Variants in KAT8 observed in about 807,000 individuals in gnomAD.
KAT8 encodes lysine acetyltransferase 8.
KAT8 carries 40 observed loss-of-function variants against 62.9 expected under a neutral mutation model. The observed-to-expected ratio is 0.64, with a 90% CI of 0.49 to 0.83. The LOEUF is 0.83. KAT8 is among the 40% of genes least tolerant of loss of function. The pLI is 0.00. For missense variants in KAT8, 387 were observed against 614.8 expected, an observed-to-expected ratio of 0.63 and a Z score of 3.92; for synonymous variants, 278 against 254.5, an observed-to-expected ratio of 1.09 and a Z score of -0.88.
chr16:31,120,667 T>G lies in KAT8; in HGVS notation c.462+153T>G, dbSNP rs1337950145. 5.9e-6 allele frequency: 4 copies of G among 682,288 alleles called. No homozygotes were observed. The East Asian group carries it at 1.1e-4, about 19-fold the overall frequency. 42.3% of individuals were successfully genotyped at this position (682,288 alleles called of 1,614,324 possible). ...ACTTTACCTACTTCCTCTTACTTAC[T>G]TTTCATAGGTAAGAAAACAGACAGA... On this transcript the variant is annotated intron_variant, in intron 3 of 10. Transcript: ENST00000219797.
chr16:31,117,986 C>G, intron 1 of KAT8, 94 bp downstream of exon 1: 7 of 869,352 alleles, frequency 8.1e-6, no homozygotes, highest in South Asian at 4.4e-5. Flanking sequence ...GGCCAAGATC[C>G]GGGGGCTGGG....
chr16:31,128,479 A>C (rs560218802), intron 6 of KAT8, among the ~76,000 whole-genome samples: 68 of 151,952 alleles, frequency 4.5e-4, no homozygotes, highest in African/African-American at 1.5e-3. Context: ...TGGGAGGCAG[A>C]GGTTGCAGTG....
rs754352447 is a variant in KAT8, at chr16:31,126,997, T to A, written c.463-38T>A. ...ACGGGAGGGACAGCCTGGTCACCAC[T>A]TCTGTTCACCTCTGCCCACTTTTCT... On this transcript the variant is annotated intron_variant, in intron 3 of 10. Coordinates refer to ENST00000219797, the MANE Select transcript of KAT8 (RefSeq NM_032188.3). 32 of 1,612,784 alleles carry A rather than the reference T, an allele frequency of 2.0e-5. No homozygotes were observed. In the Admixed American group the frequency reaches 3.8e-4, roughly 19 times the overall value.
chr16:31,121,702 G>T (rs772775248), intron 3 of KAT8, among the ~76,000 whole-genome samples: 2 of 151,872 alleles, frequency 1.3e-5, no homozygotes, highest in Non-Finnish European at 2.9e-5. Flanking sequence ...GTGCATCCCT[G>T]TACCTGCCTT....
chr16:31,131,220 A>AC lies in KAT8; in HGVS notation c.1344dup (p.Lys449GlnfsTer39). On this transcript the variant is annotated frameshift_variant, in exon 11 of 11. Coordinates refer to ENST00000219797, the MANE Select transcript of KAT8 (RefSeq NM_032188.3). LOFTEE classifies it high-confidence loss of function. ...TGGACTCCGTCTGCCTCAAGTGGGC[A>AC]CCCCCCAAGCACAAGCAAGTCAAGC... 1 of 1,613,888 alleles carries AC rather than the reference A, an allele frequency of 6.2e-7. No homozygotes were observed. Among genetic ancestry groups the AC allele is most frequent in the Non-Finnish European group, 8.5e-7 (1 of 1,179,942 alleles).
Position 31,131,318 on chromosome 16 carries a change from T to C in KAT8, c.*59T>C, listed in dbSNP as rs2143999400. 1 of 1,586,706 alleles carries C rather than the reference T, an allele frequency of 6.3e-7. No homozygotes were observed. Among genetic ancestry groups the C allele is most frequent in the Non-Finnish European group, 8.6e-7 (1 of 1,159,812 alleles). On this transcript the variant is annotated 3_prime_UTR_variant, in exon 11 of 11. Coordinates refer to ENST00000219797, the MANE Select transcript of KAT8 (RefSeq NM_032188.3). Reference sequence around the variant, plus strand: ...CTGGCTCCCAGCCTGTAAATATGTATAGACCTGTTTTGTCATTTTTTTAAT... The same window carrying C: ...CTGGCTCCCAGCCTGTAAATATGTACAGACCTGTTTTGTCATTTTTTTAAT...
rs769328865 is a variant in KAT8, at chr16:31,130,131, G to A, written c.886G>A (p.Ala296Thr). 2.2e-6 allele frequency: 3 copies of A among 1,375,898 alleles called. No homozygotes were observed. Among genetic ancestry groups the A allele is most frequent in the East Asian group, 4.2e-5 (1 of 24,058 alleles). 85.2% of individuals were successfully genotyped at this position (1,375,898 alleles called of 1,614,324 possible). Residue 296 changes from alanine to threonine, a missense_variant, in exon 7 of 11, where the codon GCC (alanine) becomes ACC (threonine). Transcript: ENST00000219797. ...CCTGACTGAGGTGGACCGGCAGGGG[G>A]CCCACATTGTTGGCTACTTCTCCAA... Reference protein sequence around the residue: ...YILTEVDRQGAHIVGYFSKEK... With the variant: ...YILTEVDRQGTHIVGYFSKEK...
At position 31,130,016 on chromosome 16, in the gene KAT8, G is replaced by C. The variant is rs1244817731; in HGVS notation, c.772-1G>C. 1.9e-6 allele frequency: 3 copies of C among 1,614,172 alleles called. No homozygotes were observed. Among genetic ancestry groups the C allele is most frequent in the Non-Finnish European group, 2.5e-6 (3 of 1,180,034 alleles). ...CCTGTCTCCCCCCTCCTCAACCCTA[G>C]ATTTACTGTCAGAACCTGTGTCTGC... is the stretch of plus-strand genomic sequence containing the variant. On this transcript the variant is annotated splice_acceptor_variant, in intron 6 of 10. Transcript: ENST00000219797. LOFTEE classifies it high-confidence loss of function.
Position 31,131,264 on chromosome 16 carries a change from C to T in KAT8, c.*5C>T, listed in dbSNP as rs767680206. The T allele has an allele frequency of 3.7e-6, 6 of 1,614,078 alleles. No individual in the cohort carries two copies. The highest frequency in any genetic ancestry group is 2.2e-5 in the East Asian group (1 of 44,896). On this transcript the variant is annotated 3_prime_UTR_variant, in exon 11 of 11. Transcript: ENST00000219797. ...GTCAAGCTCTCCAAGAAGTGAGCAG[C>T]CTGGCCCCTGCTGTCGGACCTGAGC...
At chr16:31,130,967 A>C in intron 10 of KAT8, 67 bp downstream of exon 10, 1 of 1,567,920 alleles carries the variant, frequency 6.4e-7, no homozygotes. Flanking sequence ...GGTAGGAGTC[A>C]AGGCCTCCTT....
Position 31,120,375 on chromosome 16 carries a change from G to A in KAT8, c.323G>A (p.Arg108Gln). ...RRLDEWVDKN[R>Q]LALTKTVKDA... ...CTGGACGAGTGGGTAGACAAGAACC[G>A]GCTGGCGCTGACCAAGACAGTGAAG... is the stretch of plus-strand genomic sequence containing the variant. The change falls in exon 3 of 11, where the codon CGG becomes CAG. Residue 108 changes from arginine (R) to glutamine (Q), a missense_variant. Physicochemically the swap from Arg to Gln is conservative, Grantham distance 43. This residue lies in a region of KAT8 where 69 missense variants were observed against 127.0 expected (regional missense o/e 0.54). Transcript: ENST00000219797. 6.2e-7 allele frequency: 1 copy of A among 1,614,032 alleles called. No individual in the cohort carries two copies. The highest frequency in any genetic ancestry group is 8.5e-7 in the Non-Finnish European group (1 of 1,179,942).
rs1326111637 is a variant in KAT8, at chr16:31,130,471, A to C, written c.1022A>C (p.Lys341Thr). The change falls in exon 9 of 11, where the codon AAG (lysine) becomes ACG (threonine). Residue 341 changes from lysine (K) to threonine (T), a missense_variant. Lys to Thr is a moderately conservative substitution (Grantham distance 78). Transcript: ENST00000219797. ...CTGCTGCCAGGTTATGAGCTCTCCAAGCTGGAGAGCACAGTCGGCTCCCCG... is the reference window on the plus strand; with the variant it reads ...CTGCTGCCAGGTTATGAGCTCTCCACGCTGGAGAGCACAGTCGGCTCCCCG... ...FLIAFSYELS[K>T]LESTVGSPEK... 6.2e-7 allele frequency: 1 copy of C among 1,614,106 alleles called. No homozygotes were observed. The highest frequency in any genetic ancestry group is 1.7e-5 in the Admixed American group (1 of 60,018).
intron 3 of KAT8, among the ~76,000 whole-genome samples, chr16:31,125,365 A>T (rs1321162232): frequency 6.6e-6 from 1 of 152,090 alleles, no homozygotes; most frequent in Non-Finnish European, 1.5e-5. Flanking sequence ...GCACTTTGGG[A>T]GTGCGAGGCT....
chr16:31,123,541 C>T (rs1567434887), intron 3 of KAT8: 1 of 151,818 alleles, frequency 6.6e-6, no homozygotes, highest in Non-Finnish European at 1.5e-5. Context: ...GAGTCTCACT[C>T]TGTCACCTAG....
chr16:31,130,616 C>T lies in KAT8; in HGVS notation c.1157+10C>T. On this transcript the variant is annotated intron_variant, in intron 9 of 10. Transcript: ENST00000219797. ...CCATCAAGGACCTCAGGTGAGGGGG[C>T]CTCCCGGGCCCTGGGGGCAGGACTT... The T allele has an allele frequency of 6.2e-7, 1 of 1,613,562 alleles. No individual in the cohort carries two copies. The highest frequency in any genetic ancestry group is 2.2e-5 in the East Asian group (1 of 44,882).
intron 1 of KAT8, chr16:31,118,744 A>G (rs1245588414): frequency 6.6e-6 from 1 of 152,204 alleles, no homozygotes; most frequent in Non-Finnish European, 1.5e-5. Flanking sequence ...GTACCCGGCA[A>G]CAACACAGCA....
chr16:31,131,250 C>T lies in KAT8; in HGVS notation c.1368C>T (p.Ser456=). The change falls in exon 11 of 11, where the codon TCC becomes TCT. Residue 456 remains serine (S), a synonymous_variant. Coordinates refer to ENST00000219797, the MANE Select transcript of KAT8 (RefSeq NM_032188.3). ...APPKHKQVKL[S]KK ...CCAAGCACAAGCAAGTCAAGCTCTC[C>T]AAGAAGTGAGCAGCCTGGCCCCTGC... 1.2e-6 allele frequency: 2 copies of T among 1,614,202 alleles called. No individual in the cohort carries two copies. The highest frequency in any genetic ancestry group is 1.7e-6 in the Non-Finnish European group (2 of 1,180,026).
At chr16:31,121,127 GT>G (rs1168000956) in intron 3 of KAT8, 18 of 129,696 alleles carry the variant, frequency 1.4e-4, no homozygotes, top group Non-Finnish European at 1.2e-4. Context: ...TTTGTTTTTT[GT>G]TTTTTTTTTT....
chr16:31,121,776 A>C (rs2057495443), intron 3 of KAT8, among the ~76,000 whole-genome samples: 1 of 150,978 alleles, frequency 6.6e-6, no homozygotes, highest in African/African-American at 2.4e-5. Flanking sequence ...TTTTTGAGAC[A>C]GCGTCTTACT....
Sources: gnomAD v4.1 joint callset for allele counts (sites outside exome capture counted in the v4.1 genomes callset) on GRCh38, gnomAD v4.1.1 for gene constraint, gnomAD v4.1.1 regional missense constraint, MANE v1.5 for transcripts, NCBI Gene and HGNC (gene_info 2026-07-23, HGNC 2026-07-21) for gene names.